Variants in NEB observed in about 807,000 individuals in gnomAD.
The protein encoded by NEB is nebulin, also known as nemaline myopathy type 2.
A neutral mutation model predicts 952.2 loss-of-function variants in NEB; 512 were observed. The ratio of observed to expected loss-of-function variants is 0.54; its 90% CI spans 0.50 to 0.58. The LOEUF (loss-of-function observed/expected upper bound fraction) is 0.58, where lower values mean the gene tolerates loss of function less well. Ranked by LOEUF, NEB falls within the 20% of genes least tolerant of loss-of-function variation. The pLI is 0.00. For synonymous variants in NEB, 2,900 were observed against 3,149.8 expected, an observed-to-expected ratio of 0.92 and a Z score of 2.66; for missense variants, 8,428 against 9,231.1, an observed-to-expected ratio of 0.91 and a Z score of 3.56.
chr2:151,672,064 G>A (rs2099307999), intron 37 of NEB, among the ~76,000 whole-genome samples: 1 of 151,814 alleles, frequency 6.6e-6, no homozygotes, highest in Admixed American at 6.6e-5. Context: ...TATCACCATT[G>A]CAGCCAACCC....
At chr2:151,645,999 A>C (rs530604506) in intron 55 of NEB, 131 bp downstream of exon 55, 1 of 673,398 alleles carries the variant, frequency 1.5e-6, no homozygotes, top group African/African-American at 1.8e-5. Context: ...CCACTAAATA[A>C]GGAATCTAAG....
rs116565331 is a variant in NEB, at chr2:151,706,444, C to T, written c.1152+437G>A. Among the ~76,000 whole-genome samples, 695 of 152,206 alleles carry T rather than the reference C, an allele frequency of 4.6e-3. 7 individuals are homozygous for T. Among genetic ancestry groups the T allele is most frequent in the African/African-American group, 0.016 (671 of 41,516 alleles). On this transcript the variant is annotated intron_variant, in intron 13 of 181. Transcript: ENST00000397345. ...CTTAGTCGGGCTCTTAATAATTACA[C>T]AATTAGAAAGTCCTGTGAAGACTTA...
Position 151,663,649 on chromosome 2 carries a change from C to T in NEB, c.5662G>A (p.Ala1888Thr), listed in dbSNP as rs1160688378. 3 of 1,613,794 alleles carry T rather than the reference C, an allele frequency of 1.9e-6. 1 individual carries two copies. Among genetic ancestry groups the T allele is most frequent in the South Asian group, 2.2e-5 (2 of 91,086 alleles). ...ACGTTCCTGTAGTTGGCATTGGTGG[C>T]CACTTCCTGAGACTTCTTGGCTGCC... The part of the protein sequence containing the change: ...VVAAKKSQEV[A>T]TNANYRNVIH... The change falls in exon 45 of 182, where the codon GCC becomes ACC. Residue 1888 changes from alanine (A) to threonine (T), a missense_variant. This residue lies in a region of NEB where 2,851 missense variants were observed against 2,791.5 expected (regional missense o/e 1.02). Coordinates refer to ENST00000397345, the MANE Select transcript of NEB (RefSeq NM_001164508.2).
At chr2:151,693,882 G>A (rs567792020) in intron 20 of NEB, among the ~76,000 whole-genome samples, 1 of 152,076 alleles carries the variant, frequency 6.6e-6, no homozygotes, top group Admixed American at 6.5e-5. Context: ...TTGAGTTTAT[G>A]CCTTATGTAG....
Position 151,667,874 on chromosome 2 carries a change from T to C in NEB, c.4649A>G (p.Lys1550Arg), listed in dbSNP as rs114089598. The C allele has an allele frequency of 3.8e-3, 6,189 of 1,612,620 alleles. 16 individuals are homozygous for C. The highest frequency in any genetic ancestry group is 4.5e-3 in the Non-Finnish European group (5,301 of 1,178,866). ...GGCATCTGGTCTCAAATCATAGCCCTTGGCAATGGTTTTCTTCCAATCTGC... is the reference window on the plus strand; with the variant it reads ...GGCATCTGGTCTCAAATCATAGCCCCTGGCAATGGTTTTCTTCCAATCTGC... ...YKADWKKTIA[K>R]GYDLRPDAIP... The change falls in exon 40 of 182, where the codon AAG (lysine) becomes AGG (arginine). Residue 1550 changes from lysine (K) to arginine (R), a missense_variant. Lys to Arg is a conservative substitution (Grantham distance 26). Around this residue, in one of 11 missense-constraint regions of NEB, gnomAD observed 2,851 missense variants for 2,791.5 expected, o/e 1.02. Coordinates refer to ENST00000397345, the MANE Select transcript of NEB (RefSeq NM_001164508.2).
chr2:151,726,914 G>A (rs1486558037), intron 5 of NEB, among the ~76,000 whole-genome samples: 1 of 151,986 alleles, frequency 6.6e-6, no homozygotes, highest in Non-Finnish European at 1.5e-5. Flanking sequence ...GCCAGTCATG[G>A]TGGCATGCTC....
rs2098334358 is a variant in NEB, at chr2:151,619,654, T to C, written c.10669A>G (p.Ser3557Gly). The C allele has an allele frequency of 6.2e-7, 1 of 1,614,028 alleles. No homozygotes were observed. Among genetic ancestry groups the C allele is most frequent in the Non-Finnish European group, 8.5e-7 (1 of 1,179,884 alleles). ...AAATCTTTCTTGTACTCACGGTCACTCTGCACTTTGGCAATGTGGAGGGAC... is the reference window on the plus strand; with the variant it reads ...AAATCTTTCTTGTACTCACGGTCACCCTGCACTTTGGCAATGTGGAGGGAC... The part of the protein sequence containing the change: ...MWSLHIAKVQ[S>G]DREYKKDFEK... The change falls in exon 73 of 182, where the codon AGT (serine) becomes GGT (glycine). Residue 3557 changes from serine to glycine, a missense_variant. Transcript: ENST00000397345.
Position 151,490,403 on chromosome 2 carries a change from G to A in NEB, c.25266C>T (p.Tyr8422=). 1 of 1,595,118 alleles carries A rather than the reference G, an allele frequency of 6.3e-7. No homozygotes were observed. The highest frequency in any genetic ancestry group is 8.5e-7 in the Non-Finnish European group (1 of 1,170,092). ...AGACTGCAAAGACACCCCCGTCGCT[G>A]TAAGTCGAAAGGTGGTGGTCTGGTG... is the stretch of plus-strand genomic sequence containing the variant. ...SEAPDHHLST[Y]SDGGVFAVST... is the part of the protein sequence containing the mutation. Residue 8422 remains tyrosine (Y), a synonymous_variant, in exon 180 of 182, where the codon TAC becomes TAT. Transcript: ENST00000397345.
At chr2:151,609,723 A>G in intron 81 of NEB, 86 bp downstream of exon 81, 1 of 1,325,490 alleles carries the variant, frequency 7.5e-7, no homozygotes, top group Non-Finnish European at 1.0e-6. Flanking sequence ...TGCACAGCCC[A>G]GGGGACTGTC....
chr2:151,638,261 A>T (rs1362761540), intron 63 of NEB, among the ~76,000 whole-genome samples: 1 of 152,256 alleles, frequency 6.6e-6, no homozygotes, highest in Non-Finnish European at 1.5e-5. Flanking sequence ...CACAGGATGC[A>T]GAATAGAGGT....
chr2:151,655,409 T>C (rs188460616), intron 50 of NEB, 35 bp from the exon 51 acceptor site: 15 of 1,258,652 alleles, frequency 1.2e-5, no homozygotes, highest in Admixed American at 2.0e-5. Flanking sequence ...GAAATTTGAA[T>C]AACTGGGACA....
Position 151,567,458 on chromosome 2 carries a change from C to T in NEB, c.17866G>A (p.Val5956Met). 6 of 1,611,532 alleles carry T rather than the reference C, an allele frequency of 3.7e-6. No individual in the cohort carries two copies. The highest frequency in any genetic ancestry group is 1.1e-5 in the South Asian group (1 of 90,696). Reference sequence around the variant, plus strand: ...CCAACATAATGACCTTTTTGCTTCACATGTTCAGCTTTGTATTTCAGCTGG... The same window carrying T: ...CCAACATAATGACCTTTTTGCTTCATATGTTCAGCTTTGTATTTCAGCTGG... ...QSELKYKAEH[V>M]KQKGHYVGVP... Residue 5956 changes from valine to methionine, a missense_variant, in exon 114 of 182, where the codon GTG (valine) becomes ATG (methionine). By Grantham distance (21) the Val-to-Met change is conservative. Around this residue, in one of 11 missense-constraint regions of NEB, gnomAD observed 3,374 missense variants for 3,651.5 expected, o/e 0.92. Transcript: ENST00000397345.
chr2:151,525,785 A>G (rs1046646732), intron 150 of NEB, among the ~76,000 whole-genome samples, 173 bp downstream of exon 150: 7 of 152,224 alleles, frequency 4.6e-5, no homozygotes, highest in Admixed American at 2.6e-4. Flanking sequence ...CCAGAATTGG[A>G]AAGCCAATAA....
At chr2:151,624,730 A>C (rs2098485481) in intron 71 of NEB, among the ~76,000 whole-genome samples, 1 of 150,538 alleles carries the variant, frequency 6.6e-6, no homozygotes, top group Non-Finnish European at 1.5e-5. Flanking sequence ...CTTTTTCTCT[A>C]AAAAAAAATG....
intron 75 of NEB, among the ~76,000 whole-genome samples, chr2:151,616,337 A>T (rs1045782199): frequency 1.2e-4 from 19 of 152,162 alleles, no homozygotes; most frequent in Admixed American, 3.9e-4. Flanking sequence ...AATGTGGGGA[A>T]AAAATCAACA....
chr2:151,650,418 C>A, intron 53 of NEB, 39 bp from the exon 54 acceptor site: 1 of 1,587,204 alleles, frequency 6.3e-7, no homozygotes, highest in South Asian at 1.1e-5. Context: ...ATCCCATTCT[C>A]ACCTGGACCC....
At chr2:151,664,397 C>T (rs1016888387) in intron 44 of NEB, 104 bp downstream of exon 44, 2 of 802,134 alleles carry the variant, frequency 2.5e-6, no homozygotes, top group Admixed American at 3.0e-5. Flanking sequence ...GATGGCATTC[C>T]CACCAACCCT....
intron 153 of NEB, among the ~76,000 whole-genome samples, chr2:151,521,122 A>C (rs1009932888): frequency 4.6e-5 from 7 of 152,104 alleles, no homozygotes; most frequent in African/African-American, 1.7e-4. Context: ...AAGACTCACT[A>C]ACACCAGTAC....
chr2:151,516,905 G>T (rs2153361073), intron 156 of NEB, among the ~76,000 whole-genome samples: 1 of 152,286 alleles, frequency 6.6e-6, no homozygotes, highest in Non-Finnish European at 1.5e-5. Flanking sequence ...TTGATGGGTA[G>T]CTGTAAACAC....
Sources: gnomAD v4.1 joint callset for allele counts (sites outside exome capture counted in the v4.1 genomes callset) on GRCh38, gnomAD v4.1.1 for gene constraint, gnomAD v4.1.1 regional missense constraint, MANE v1.5 for transcripts, NCBI Gene and HGNC (gene_info 2026-07-23, HGNC 2026-07-21) for gene names.